Variants in CHCHD6 observed in about 807,000 individuals in gnomAD.
CHCHD6 encodes the protein MICOS complex subunit MIC25.
CHCHD6 carries 28 observed loss-of-function variants against 32.3 expected under a neutral mutation model. That is an observed-to-expected ratio of 0.87 (90% confidence interval 0.64 to 1.19). CHCHD6 has a LOEUF of 1.19. Among genes scored for constraint, CHCHD6 ranks in the 50% most tolerant of loss-of-function variants. CHCHD6 has a pLI of 0.00. For missense variants in CHCHD6, 333 were observed against 307.0 expected (o/e 1.08, Z -0.63); for synonymous variants, 122 against 117.5 (o/e 1.04, Z -0.25).
intron 5 of CHCHD6, among the ~76,000 whole-genome samples, chr3:126,884,036 G>C (rs913797613): frequency 7.9e-5 from 12 of 151,610 alleles, no homozygotes; most frequent in Non-Finnish European, 4.4e-5. Flanking sequence ...TTTTTGGGGA[G>C]TAAAATACTC....
intron 5 of CHCHD6, among the ~76,000 whole-genome samples, chr3:126,862,320 C>A (rs1941942017): frequency 7.1e-6 from 1 of 140,466 alleles, no homozygotes. Flanking sequence ...TCATCACCTC[C>A]TCCTCCTCCA....
At chr3:126,877,121 A>C (rs2077549041) in intron 5 of CHCHD6, among the ~76,000 whole-genome samples, 1 of 152,218 alleles carries the variant, frequency 6.6e-6, no homozygotes, top group Non-Finnish European at 1.5e-5. Context: ...TATTTTTCAG[A>C]AAGAAACTCA....
At chr3:126,737,049 G>A (rs574645580) in intron 4 of CHCHD6, among the ~76,000 whole-genome samples, 9 of 152,128 alleles carry the variant, frequency 5.9e-5, no homozygotes, top group South Asian at 2.1e-4. Flanking sequence ...GGCTGGGCGC[G>A]GTGGCTCACA....
intron 5 of CHCHD6, among the ~76,000 whole-genome samples, chr3:126,859,202 G>T (rs1410046207): frequency 2.6e-5 from 4 of 152,184 alleles, no homozygotes; most frequent in African/African-American, 9.7e-5. Context: ...CAGAGGAGGA[G>T]GGAGCCTTTG....
At chr3:126,876,115 G>A (rs2077536209) in intron 5 of CHCHD6, among the ~76,000 whole-genome samples, 1 of 152,208 alleles carries the variant, frequency 6.6e-6, no homozygotes, top group African/African-American at 2.4e-5. Context: ...TCTGAGCACT[G>A]TTAAGTGTCA....
At chr3:126,796,151 C>T (rs1381114185) in intron 4 of CHCHD6, among the ~76,000 whole-genome samples, 3 of 152,026 alleles carry the variant, frequency 2.0e-5, no homozygotes, top group Non-Finnish European at 1.5e-5. Flanking sequence ...TCAAGACGAG[C>T]CTGGGCACCA....
At chr3:126,948,681 C>A (rs1482390248) in intron 6 of CHCHD6, among the ~76,000 whole-genome samples, 1 of 152,180 alleles carries the variant, frequency 6.6e-6, no homozygotes, top group African/African-American at 2.4e-5. Flanking sequence ...CTCAACTTGA[C>A]CAGGTTGTCT....
intron 5 of CHCHD6, among the ~76,000 whole-genome samples, chr3:126,895,069 T>C (rs1164859713): frequency 1.3e-5 from 2 of 152,258 alleles, no homozygotes; most frequent in African/African-American, 4.8e-5. Context: ...TCACACGATA[T>C]TGTTCTGCAG....
intron 4 of CHCHD6, among the ~76,000 whole-genome samples, chr3:126,851,259 G>A (rs1470484701): frequency 6.6e-6 from 1 of 152,190 alleles, no homozygotes; most frequent in African/African-American, 2.4e-5. Flanking sequence ...GTTCTGCAAG[G>A]TTCCCTGTCA....
At chr3:126,836,250 T>G (rs1940857104) in intron 4 of CHCHD6, among the ~76,000 whole-genome samples, 1 of 152,112 alleles carries the variant, frequency 6.6e-6, no homozygotes, top group Admixed American at 6.5e-5. Flanking sequence ...TTTGTTATGG[T>G]GTTTGTTATG....
chr3:126,739,885 C>T (rs760424646), intron 4 of CHCHD6, among the ~76,000 whole-genome samples: 40 of 152,306 alleles, frequency 2.6e-4, no homozygotes, highest in Non-Finnish European at 5.3e-4. Context: ...TACTGGGTCA[C>T]ATTTGCTTGC....
intron 1 of CHCHD6, among the ~76,000 whole-genome samples, chr3:126,714,636 G>A (rs543114070): frequency 6.6e-5 from 10 of 152,238 alleles, no homozygotes; most frequent in African/African-American, 2.4e-4. Context: ...GGCCACATCG[G>A]CACTGTCCTG....
chr3:126,906,976 G>A (rs1028100990), intron 5 of CHCHD6, among the ~76,000 whole-genome samples: 1 of 152,180 alleles, frequency 6.6e-6, no homozygotes. Flanking sequence ...AGGGACCATG[G>A]GTGTGGGCAG....
intron 4 of CHCHD6, among the ~76,000 whole-genome samples, chr3:126,813,654 T>A (rs770233122): frequency 4.6e-5 from 7 of 152,066 alleles, no homozygotes; most frequent in Non-Finnish European, 1.0e-4. Flanking sequence ...CCAGAACTTA[T>A]GGGGGACCCC....
At chr3:126,873,872 G>A (rs74861933) in intron 5 of CHCHD6, among the ~76,000 whole-genome samples, 2,653 of 152,312 alleles carry the variant, frequency 0.017, 108 homozygotes, top group East Asian at 0.15. Flanking sequence ...TATGTAGCTT[G>A]CTCAAGGCCA....
intron 5 of CHCHD6, among the ~76,000 whole-genome samples, chr3:126,894,842 CAT>C (rs1182967539): frequency 1.3e-5 from 2 of 152,210 alleles, no homozygotes; most frequent in African/African-American, 2.4e-5. Flanking sequence ...ACTGCAAAGA[CAT>C]GTGCAACAAA....
chr3:126,807,280 G>A lies in CHCHD6; in HGVS notation c.412-45367G>A, dbSNP rs183617322. Among the ~76,000 whole-genome samples the A allele has an allele frequency of 5.4e-4, 82 of 151,938 alleles. No individual in the cohort carries two copies. The East Asian group carries it at 0.016, about 29-fold the overall frequency. On this transcript the variant is annotated intron_variant, in intron 4 of 7. Coordinates refer to ENST00000290913, the MANE Select transcript of CHCHD6 (RefSeq NM_032343.3). The stretch of plus-strand genomic sequence containing the variant: ...AGAGAAAAAAGGAACTCAGGGAACA[G>A]ATAATGCAGAGGAGCAGAAGAAAAA...
intron 5 of CHCHD6, among the ~76,000 whole-genome samples, chr3:126,884,312 C>G (rs1450606310): frequency 6.6e-6 from 1 of 152,198 alleles, no homozygotes; most frequent in Admixed American, 6.5e-5. Context: ...CCAGCTGAGT[C>G]TTTTACACCC....
At chr3:126,811,206 A>G (rs189764977) in intron 4 of CHCHD6, among the ~76,000 whole-genome samples, 3 of 152,274 alleles carry the variant, frequency 2.0e-5, no homozygotes, top group South Asian at 4.1e-4. Flanking sequence ...TCCCATCAAG[A>G]GCTAACAAAC....
Sources: allele counts gnomAD v4.1 joint callset (sites outside exome capture counted in the v4.1 genomes callset), GRCh38; gene constraint gnomAD v4.1.1; transcripts MANE v1.5; gene names NCBI Gene and HGNC (gene_info 2026-07-23, HGNC 2026-07-21).